QTMAN: variants seen among roughly 807,000 people sequenced by gnomAD.
QTMAN encodes the protein queuosine-tRNA mannosyltransferase.
the QTMAN span, among the ~76,000 whole-genome samples, chr2:144,173,531 T>C: frequency 6.6e-6 from 1 of 152,174 alleles, no homozygotes; most frequent in Non-Finnish European, 1.5e-5. Context: ...AACATGCTAC[T>C]AACAACCGTG....
chr2:144,183,937 G>A, the QTMAN span, among the ~76,000 whole-genome samples: 1 of 152,114 alleles, frequency 6.6e-6, no homozygotes, highest in Non-Finnish European at 1.5e-5. Context: ...AAACAGTACA[G>A]GAAATGCAAA....
chr2:144,101,394 T>TCTCA, the QTMAN span, among the ~76,000 whole-genome samples: 5 of 150,120 alleles, frequency 3.3e-5, no homozygotes, highest in African/African-American at 1.2e-4. Context: ...TATCTCTCTC[T>TCTCA]CACACACACA....
the QTMAN span, among the ~76,000 whole-genome samples, chr2:144,031,669 C>G: frequency 6.6e-6 from 1 of 152,208 alleles, no homozygotes; most frequent in Non-Finnish European, 1.5e-5. Context: ...TAAGTCTGTA[C>G]ATCAAAGTTT....
At chr2:144,272,657 C>T in the QTMAN span, among the ~76,000 whole-genome samples, 2 of 152,042 alleles carry the variant, frequency 1.3e-5, no homozygotes, top group African/African-American at 4.8e-5. Flanking sequence ...AACTATACTA[C>T]CAGAACTGTT....
the QTMAN span, among the ~76,000 whole-genome samples, chr2:144,279,246 AGTC>A: frequency 1.3e-5 from 2 of 152,146 alleles, no homozygotes; most frequent in Non-Finnish European, 2.9e-5. Flanking sequence ...TAACTTCAGC[AGTC>A]CAGGCAGACA....
At chr2:144,006,392 G>C in the QTMAN span, 1 of 152,020 alleles carries the variant, frequency 6.6e-6, no homozygotes, top group Non-Finnish European at 1.5e-5. Flanking sequence ...TCAGAAAATC[G>C]GACCTAATGA....
the QTMAN span, among the ~76,000 whole-genome samples, chr2:144,025,924 TG>T: frequency 6.6e-6 from 1 of 152,208 alleles, no homozygotes; most frequent in Admixed American, 6.5e-5. Context: ...TAGGGTATAA[TG>T]AGGGAGTCGT....
chr2:144,083,336 G>T, the QTMAN span, among the ~76,000 whole-genome samples: 1 of 152,102 alleles, frequency 6.6e-6, no homozygotes, highest in South Asian at 2.1e-4. Context: ...AGCCATTCCT[G>T]CTGAGGGACC....
At chr2:144,196,014 T>C in the QTMAN span, among the ~76,000 whole-genome samples, 4 of 152,124 alleles carry the variant, frequency 2.6e-5, no homozygotes, top group Admixed American at 1.3e-4. Context: ...GTGATCCTCT[T>C]ACAAAATAGT....
chr2:144,266,848 C>T, the QTMAN span, among the ~76,000 whole-genome samples: 1 of 151,750 alleles, frequency 6.6e-6, no homozygotes, highest in Non-Finnish European at 1.5e-5. Flanking sequence ...TATTTTAAAT[C>T]AAGAAAAAAA....
At chr2:143,957,393 T>A in the QTMAN span, 3 of 1,167,878 alleles carry the variant, frequency 2.6e-6, no homozygotes, top group Non-Finnish European at 3.5e-6. Context: ...TAAAATGATA[T>A]GAGATGTCAG....
chr2:144,092,738 C>A, the QTMAN span, among the ~76,000 whole-genome samples: 1 of 152,138 alleles, frequency 6.6e-6, no homozygotes. Context: ...ATATCTGCCA[C>A]AAGATCCTAA....
At chr2:144,110,600 T>C in the QTMAN span, among the ~76,000 whole-genome samples, 2 of 151,788 alleles carry the variant, frequency 1.3e-5, no homozygotes, top group African/African-American at 4.8e-5. Flanking sequence ...TGTCCCAATA[T>C]TCATGGACTT....
the QTMAN span, among the ~76,000 whole-genome samples, chr2:144,048,626 C>T: frequency 6.6e-6 from 1 of 151,908 alleles, no homozygotes; most frequent in Non-Finnish European, 1.5e-5. Context: ...TAAAATAAAC[C>T]AAATGGTTGA....
the QTMAN span, among the ~76,000 whole-genome samples, chr2:144,256,602 A>G: frequency 6.6e-6 from 1 of 152,230 alleles, no homozygotes; most frequent in Non-Finnish European, 1.5e-5. Flanking sequence ...ACACAGGAAT[A>G]GAAAACCAAA....
chr2:144,281,735 G>C, the QTMAN span, among the ~76,000 whole-genome samples: 2 of 152,190 alleles, frequency 1.3e-5, no homozygotes, highest in African/African-American at 2.4e-5. Context: ...ATATAGACCA[G>C]AGAGGACCAT....
At chr2:144,074,603 G>C in the QTMAN span, among the ~76,000 whole-genome samples, 22 of 152,226 alleles carry the variant, frequency 1.4e-4, no homozygotes, top group African/African-American at 5.1e-4. Context: ...ACAGAATTTT[G>C]AAACTTAGAG....
chr2:144,250,018 CAA>C, the QTMAN span, among the ~76,000 whole-genome samples: 1 of 151,868 alleles, frequency 6.6e-6, no homozygotes, highest in Non-Finnish European at 1.5e-5. Flanking sequence ...CAAGAGGACA[CAA>C]GAGATCTCTC....
At chr2:144,056,472 A>G in the QTMAN span, among the ~76,000 whole-genome samples, 1 of 152,198 alleles carries the variant, frequency 6.6e-6, no homozygotes, top group African/African-American at 2.4e-5. Flanking sequence ...ACTTCTCACC[A>G]TCTGACACAC....
Sources: gnomAD v4.1 joint callset for allele counts (sites outside exome capture counted in the v4.1 genomes callset) on GRCh38, gnomAD v4.1.1 for gene constraint, MANE v1.5 for transcripts, NCBI Gene and HGNC (gene_info 2026-07-23, HGNC 2026-07-21) for gene names.